Variants in GPD2 observed in about 807,000 individuals in gnomAD.
GPD2 encodes the protein glycerol-3-phosphate dehydrogenase, mitochondrial.
In GPD2, 54 loss-of-function variants were observed where a neutral mutation model predicts 82.4. That is an observed-to-expected ratio of 0.66 (90% CI 0.53 to 0.82). The LOEUF is 0.82. Among genes scored for constraint, GPD2 ranks in the 40% least tolerant of loss-of-function variants. The pLI is 0.00. For synonymous variants in GPD2, 288 were observed against 306.1 expected, an observed-to-expected ratio of 0.94 and a Z score of 0.62; for missense variants, 748 against 896.2, an observed-to-expected ratio of 0.83 and a Z score of 2.11.
the GPD2 span, among the ~76,000 whole-genome samples, chr2:156,424,884 C>G: frequency 3.3e-5 from 5 of 152,152 alleles, no homozygotes; most frequent in African/African-American, 7.2e-5. Context: ...CATCTTAAAG[C>G]TTATTGTAAA....
intron 15 of GPD2, among the ~76,000 whole-genome samples, 165 bp downstream of exon 15, chr2:156,579,329 C>CT (rs59446199): frequency 0.024 from 3,219 of 135,142 alleles, 133 homozygotes; most frequent in African/African-American, 0.078. Flanking sequence ...TTTTTTCTTT[C>CT]TTTTTTTTTT....
chr2:156,530,454 C>T (rs1403053138), intron 6 of GPD2, among the ~76,000 whole-genome samples: 1 of 151,326 alleles, frequency 6.6e-6, no homozygotes, highest in African/African-American at 2.4e-5. Context: ...CTGGCCAGAA[C>T]TTCCAACACT....
chr2:156,401,197 C>T, the GPD2 span, among the ~76,000 whole-genome samples: 1 of 152,222 alleles, frequency 6.6e-6, no homozygotes, highest in Non-Finnish European at 1.5e-5. Flanking sequence ...GGCGAGAATT[C>T]TACCACTGAA....
At chr2:156,451,036 A>T (rs1206235836) in intron 1 of GPD2, among the ~76,000 whole-genome samples, 5 of 142,100 alleles carry the variant, frequency 3.5e-5, no homozygotes, top group African/African-American at 1.3e-4. Context: ...AGTACAGAAC[A>T]AAATGAAAAG....
rs143114242 is a variant in GPD2 at position 156,577,522 on chromosome 2, A to G, written c.1768-1367A>G. Among the ~76,000 whole-genome samples the G allele has an allele frequency of 8.1e-3, 1,235 of 152,286 alleles. 5 individuals are homozygous for G. Among genetic ancestry groups the G allele is most frequent in the Non-Finnish European group, 0.012 (809 of 68,020 alleles). On this transcript the variant is annotated intron_variant, in intron 13 of 16. Coordinates refer to ENST00000438166, the MANE Select transcript of GPD2 (RefSeq NM_000408.5). The stretch of plus-strand genomic sequence containing the variant: ...AAGTTTGTCTTCTCAAGAAAAATCA[A>G]TAAGGGATCTTATCATCAACATAAC...
intron 6 of GPD2, among the ~76,000 whole-genome samples, chr2:156,531,461 A>G (rs191391464): frequency 1.1e-4 from 17 of 152,344 alleles, no homozygotes; most frequent in African/African-American, 4.1e-4. Flanking sequence ...ACTGGCCCTG[A>G]CAGTAGAGAG....
intron 9 of GPD2, among the ~76,000 whole-genome samples, chr2:156,565,905 CA>C (rs776221241): frequency 6.6e-5 from 10 of 152,132 alleles, no homozygotes; most frequent in Admixed American, 1.3e-4. Flanking sequence ...ACTTTTTACA[CA>C]AAGAGTCTGC....
chr2:156,437,380 C>A (rs1681977492), intron 1 of GPD2, among the ~76,000 whole-genome samples: 1 of 152,162 alleles, frequency 6.6e-6, no homozygotes, highest in Non-Finnish European at 1.5e-5. Flanking sequence ...TGGCAGCTGT[C>A]ACACTGGGCC....
intron 3 of GPD2, among the ~76,000 whole-genome samples, chr2:156,496,757 CAT>C (rs908372281): frequency 2.0e-5 from 3 of 151,776 alleles, no homozygotes; most frequent in Admixed American, 6.6e-5. Context: ...AAAATAAAAA[CAT>C]TTTTATATCA....
At chr2:156,573,466 T>C (rs1442271448) in intron 13 of GPD2, among the ~76,000 whole-genome samples, 1 of 152,136 alleles carries the variant, frequency 6.6e-6, no homozygotes, top group African/African-American at 2.4e-5. Context: ...CTGTCAGTCC[T>C]TTTTACCATA....
intron 1 of GPD2, among the ~76,000 whole-genome samples, chr2:156,467,358 A>G (rs1347711091): frequency 6.6e-6 from 1 of 152,172 alleles, no homozygotes; most frequent in Non-Finnish European, 1.5e-5. Flanking sequence ...CAGTCCAAAA[A>G]TTTGTGTATT....
chr2:156,400,425 A>T, the GPD2 span, among the ~76,000 whole-genome samples: 1 of 152,176 alleles, frequency 6.6e-6, no homozygotes, highest in African/African-American at 2.4e-5. Flanking sequence ...CCTGCGCAAT[A>T]AGCCTGGGGA....
intron 1 of GPD2, among the ~76,000 whole-genome samples, chr2:156,468,733 A>C (rs190148152): frequency 1.3e-5 from 2 of 152,082 alleles, no homozygotes; most frequent in African/African-American, 4.8e-5. Context: ...GTATGTATAC[A>C]TATTTTTGGG....
the GPD2 span, among the ~76,000 whole-genome samples, chr2:156,404,686 CAA>C: frequency 3.1e-5 from 2 of 64,372 alleles, no homozygotes; most frequent in Admixed American, 2.0e-4. Flanking sequence ...TTAAAAATAC[CAA>C]AAAAAAAAAA....
chr2:156,573,972 T>C (rs1328683219), intron 13 of GPD2, among the ~76,000 whole-genome samples: 3 of 152,230 alleles, frequency 2.0e-5, no homozygotes, highest in African/African-American at 7.2e-5. Context: ...ATACTGAACA[T>C]TGCACCAAAT....
chr2:156,409,801 A>G, the GPD2 span, among the ~76,000 whole-genome samples: 1 of 152,226 alleles, frequency 6.6e-6, no homozygotes. Flanking sequence ...CAAAGTTAAC[A>G]TCCTGGACCA....
intron 6 of GPD2, among the ~76,000 whole-genome samples, chr2:156,532,434 T>C (rs1573970078): frequency 1.3e-5 from 2 of 152,326 alleles, no homozygotes; most frequent in East Asian, 3.9e-4. Flanking sequence ...ATGATTGGAC[T>C]TTTTCTCTTC....
At chr2:156,516,318 T>C (rs1283258900) in intron 6 of GPD2, among the ~76,000 whole-genome samples, 1 of 152,240 alleles carries the variant, frequency 6.6e-6, no homozygotes, top group Non-Finnish European at 1.5e-5. Flanking sequence ...TGAAATTCAA[T>C]AAAATTCAAT....
intron 6 of GPD2, among the ~76,000 whole-genome samples, chr2:156,519,707 C>T (rs1030194403): frequency 7.9e-5 from 12 of 152,342 alleles, no homozygotes; most frequent in African/African-American, 2.9e-4. Flanking sequence ...CTGGACCCTT[C>T]GTGGGACTTG....
Sources: gnomAD v4.1 joint callset for allele counts (sites outside exome capture counted in the v4.1 genomes callset) on GRCh38, gnomAD v4.1.1 for gene constraint, MANE v1.5 for transcripts, NCBI Gene and HGNC (gene_info 2026-07-23, HGNC 2026-07-21) for gene names.